Variants in FMN1 observed in about 807,000 individuals in gnomAD.
The protein encoded by FMN1 is formin-1.
A neutral mutation model predicts 132.4 loss-of-function variants in FMN1; 110 were observed. The ratio of observed to expected loss-of-function variants is 0.83; its 90% confidence interval spans 0.71 to 0.97. FMN1 has a LOEUF of 0.97. FMN1 is among the 50% of genes least tolerant of loss of function. The pLI, the probability that FMN1 is intolerant of heterozygous loss-of-function variation, is 0.00. For missense variants in FMN1, 1,792 were observed against 1,705.3 expected, an observed-to-expected ratio of 1.05 and a Z score of -0.90; for synonymous variants, 722 against 651.7, an observed-to-expected ratio of 1.11 and a Z score of -1.64.
At position 33,066,449 on chromosome 15, in the gene FMN1, C is replaced by T. The variant is rs115805700; in HGVS notation, c.2044-1375G>A. 566 of 1,354,490 alleles carry T rather than the reference C, an allele frequency of 4.2e-4. 4 individuals are homozygous for T. In the African/African-American group the frequency reaches 7.4e-3, roughly 18 times the overall value. 83.9% of individuals were successfully genotyped at this position (1,354,490 alleles called of 1,614,324 possible). On this transcript the variant is annotated intron_variant, in intron 5 of 20. Transcript: ENST00000616417. Reference sequence around the variant, plus strand: ...AACTAGGATTCACTTTGGGAGGAAACCTGGAAAGAAATACAGCAGCACCAT... The same window carrying T: ...AACTAGGATTCACTTTGGGAGGAAATCTGGAAAGAAATACAGCAGCACCAT...
At chr15:32,924,940 A>C (rs2140344711) in intron 10 of FMN1, among the ~76,000 whole-genome samples, 1 of 152,322 alleles carries the variant, frequency 6.6e-6, no homozygotes, top group African/African-American at 2.4e-5. Flanking sequence ...AAAAACCAAA[A>C]AAACCCCCAA....
intron 19 of FMN1, among the ~76,000 whole-genome samples, chr15:32,777,506 A>ATTTATATATTATATT (rs2056465060): frequency 1.6e-5 from 2 of 122,140 alleles, no homozygotes; most frequent in South Asian, 2.6e-4. Flanking sequence ...CGTATAACAT[A>ATTTATATATTATATT]TAACACATTT....
intron 9 of FMN1, among the ~76,000 whole-genome samples, chr15:32,940,669 C>T (rs1391735725): frequency 6.6e-6 from 1 of 152,096 alleles, no homozygotes; most frequent in Non-Finnish European, 1.5e-5. Context: ...ACATCCAGTG[C>T]CTTTTTTTCC....
At chr15:32,893,381 T>C (rs376730531) in intron 15 of FMN1, among the ~76,000 whole-genome samples, 461 of 149,472 alleles carry the variant, frequency 3.1e-3, no homozygotes, top group African/African-American at 0.01. Context: ...TGTGTGTGTG[T>C]GCGCGCTCGT....
intron 9 of FMN1, among the ~76,000 whole-genome samples, chr15:32,938,704 T>C (rs1025229380): frequency 6.6e-5 from 10 of 152,202 alleles, no homozygotes; most frequent in African/African-American, 2.4e-4. Context: ...AGACTTACCC[T>C]GCCAAGTATT....
intron 9 of FMN1, among the ~76,000 whole-genome samples, chr15:32,947,947 T>C (rs895841496): frequency 1.4e-4 from 22 of 152,150 alleles, no homozygotes; most frequent in African/African-American, 5.1e-4. Context: ...ATTTGATTTC[T>C]TTGCCTTATT....
chr15:32,927,204 G>A (rs1053514186), intron 9 of FMN1, among the ~76,000 whole-genome samples: 3 of 151,698 alleles, frequency 2.0e-5, no homozygotes, highest in Non-Finnish European at 4.4e-5. Context: ...CTTCCTATTT[G>A]TTATTATTAA....
chr15:33,070,847 A>G (rs1020421633), intron 5 of FMN1, among the ~76,000 whole-genome samples: 3 of 152,198 alleles, frequency 2.0e-5, no homozygotes, highest in South Asian at 2.1e-4. Flanking sequence ...GATAACAACC[A>G]TATTATGAGT....
At chr15:33,156,930 A>G (rs539619768) in intron 3 of FMN1, among the ~76,000 whole-genome samples, 2 of 152,260 alleles carry the variant, frequency 1.3e-5, no homozygotes, top group South Asian at 2.1e-4. Context: ...CTCAATTCCC[A>G]TGGATTAGGA....
chr15:33,175,031 G>A (rs1045274473), intron 3 of FMN1, among the ~76,000 whole-genome samples: 2 of 145,662 alleles, frequency 1.4e-5, no homozygotes, highest in South Asian at 2.1e-4. Flanking sequence ...AGGAGGAAAC[G>A]ATTTTTTTTT....
rs554535212 is a variant in FMN1 at position 32,822,067 on chromosome 15, C to G, written c.3929-17735G>C. 3.3e-5 allele frequency among the ~76,000 whole-genome samples: 5 copies of G among 152,230 alleles called. No homozygotes were observed. In the South Asian group the frequency reaches 1.0e-3, roughly 32 times the overall value. On this transcript the variant is annotated intron_variant, in intron 17 of 20. Coordinates refer to ENST00000616417, the MANE Select transcript of FMN1 (RefSeq NM_001277313.2). ...TTTTCAACTTGAAGAAGTACAACTT[C>G]AAGAGAAGATCTGTGAGATACCTGT...
At chr15:33,165,519 T>A (rs1374742400) in intron 3 of FMN1, among the ~76,000 whole-genome samples, 1 of 151,992 alleles carries the variant, frequency 6.6e-6, no homozygotes, top group Non-Finnish European at 1.5e-5. Context: ...GCCTCCCGAG[T>A]AGCTGGGAAT....
At chr15:32,940,960 T>A (rs980782902) in intron 9 of FMN1, among the ~76,000 whole-genome samples, 3 of 152,090 alleles carry the variant, frequency 2.0e-5, no homozygotes, top group Non-Finnish European at 4.4e-5. Context: ...TCCAGCTTCA[T>A]CATATTAAAA....
intron 5 of FMN1, among the ~76,000 whole-genome samples, chr15:33,070,531 C>T (rs1308658998): frequency 6.6e-6 from 1 of 151,918 alleles, no homozygotes; most frequent in Non-Finnish European, 1.5e-5. Flanking sequence ...CCCTTCTGCA[C>T]CATGGCATGG....
chr15:32,962,436 C>T (rs573851618), intron 9 of FMN1, among the ~76,000 whole-genome samples: 8 of 151,720 alleles, frequency 5.3e-5, no homozygotes, highest in South Asian at 2.1e-4. Context: ...GCATGGGCAA[C>T]GACTTCATGT....
intron 18 of FMN1, among the ~76,000 whole-genome samples, chr15:32,803,782 G>A (rs1346123839): frequency 1.3e-5 from 2 of 152,208 alleles, no homozygotes; most frequent in African/African-American, 2.4e-5. Flanking sequence ...CGGTTCAGGA[G>A]CAGAGCAATG....
chr15:32,884,014 T>C (rs187906060), intron 16 of FMN1, among the ~76,000 whole-genome samples: 2 of 152,278 alleles, frequency 1.3e-5, no homozygotes, highest in East Asian at 1.9e-4. Flanking sequence ...CCTACATCTA[T>C]AGTTTCAGCA....
At chr15:33,115,935 T>G (rs1250385216) in intron 4 of FMN1, among the ~76,000 whole-genome samples, 2 of 152,266 alleles carry the variant, frequency 1.3e-5, no homozygotes, top group East Asian at 1.9e-4. Context: ...TTCAACTAGA[T>G]TCTCTCACAC....
intron 10 of FMN1, among the ~76,000 whole-genome samples, chr15:32,924,561 A>C (rs747988277): frequency 6.6e-6 from 1 of 152,244 alleles, no homozygotes; most frequent in Non-Finnish European, 1.5e-5. Flanking sequence ...CTCATACTAA[A>C]TTCTACTGAA....
Sources: allele counts gnomAD v4.1 joint callset (sites outside exome capture counted in the v4.1 genomes callset), GRCh38; gene constraint gnomAD v4.1.1; transcripts MANE v1.5; gene names NCBI Gene and HGNC (gene_info 2026-07-23, HGNC 2026-07-21).